Variants in CADPS2 observed in about 807,000 individuals in gnomAD.
CADPS2 encodes calcium dependent secretion activator 2, also known as calcium-dependent secretion activator 2.
CADPS2 carries 93 observed loss-of-function variants against 172.5 expected under a neutral mutation model. That is an observed-to-expected ratio of 0.54 (90% CI 0.46 to 0.64). The LOEUF (loss-of-function observed/expected upper bound fraction) is 0.64, where lower values mean the gene tolerates loss of function less well. Among genes scored for constraint, CADPS2 ranks in the 30% least tolerant of loss-of-function variants. CADPS2 has a pLI of 0.00. For missense variants in CADPS2, 1,420 were observed against 1,565.9 expected (o/e 0.91, Z 1.57); for synonymous variants, 546 against 555.2 (o/e 0.98, Z 0.23).
intron 9 of CADPS2, among the ~76,000 whole-genome samples, chr7:122,510,757 T>C (rs1357404688): frequency 6.6e-6 from 1 of 152,150 alleles, no homozygotes; most frequent in African/African-American, 2.4e-5. Flanking sequence ...GTGGATAGAA[T>C]CAGAGCTGCC....
At chr7:122,380,057 C>T (rs567575748) in intron 24 of CADPS2, among the ~76,000 whole-genome samples, 2 of 152,160 alleles carry the variant, frequency 1.3e-5, no homozygotes, top group Non-Finnish European at 2.9e-5. Context: ...AAACATCACT[C>T]ACTCCCCATA....
At chr7:122,679,265 TG>T (rs59410664) in intron 2 of CADPS2, among the ~76,000 whole-genome samples, 3,652 of 39,204 alleles carry the variant, frequency 0.093, 1,089 homozygotes, top group African/African-American at 0.24. Context: ...AATGCATTCC[TG>T]GGGGGGGGGG....
intron 2 of CADPS2, among the ~76,000 whole-genome samples, chr7:122,695,302 G>T (rs550955620): frequency 6.6e-6 from 1 of 152,190 alleles, no homozygotes; most frequent in East Asian, 1.9e-4. Flanking sequence ...TTCTTACAAG[G>T]AACATAAACT....
chr7:122,581,930 C>CTT (rs2068883411), intron 6 of CADPS2, among the ~76,000 whole-genome samples: 2 of 152,076 alleles, frequency 1.3e-5, no homozygotes, highest in African/African-American at 4.8e-5. Flanking sequence ...AAATAACATG[C>CTT]TTTCTTGGCT....
At chr7:122,637,032 TA>T (rs1300243236) in intron 3 of CADPS2, among the ~76,000 whole-genome samples, 7 of 148,900 alleles carry the variant, frequency 4.7e-5, no homozygotes, top group Admixed American at 4.0e-4. Context: ...TCAAGGGTTT[TA>T]TTTTTTTAAA....
chr7:122,480,766 G>C (rs1263167995), intron 12 of CADPS2, 86 bp downstream of exon 12: 13 of 929,688 alleles, frequency 1.4e-5, no homozygotes, highest in Non-Finnish European at 1.9e-5. Flanking sequence ...GATTGATCCT[G>C]TAAACAAGAT....
chr7:122,563,729 G>A (rs541776014), intron 7 of CADPS2, among the ~76,000 whole-genome samples: 1 of 152,136 alleles, frequency 6.6e-6, no homozygotes, highest in Non-Finnish European at 1.5e-5. Flanking sequence ...ACAATATCTA[G>A]ACTTGGACAA....
chr7:122,465,443 T>C (rs1335314608), intron 14 of CADPS2, among the ~76,000 whole-genome samples: 1 of 152,172 alleles, frequency 6.6e-6, no homozygotes, highest in African/African-American at 2.4e-5. Context: ...TGTTTGGAAC[T>C]GGGCCATACA....
intron 24 of CADPS2, among the ~76,000 whole-genome samples, chr7:122,383,083 G>A (rs1290362428): frequency 1.3e-5 from 2 of 151,966 alleles, no homozygotes; most frequent in Non-Finnish European, 2.9e-5. Flanking sequence ...AATCAACCTA[G>A]GTGTCCATCA....
chr7:122,536,058 T>G (rs2062235158), intron 8 of CADPS2, among the ~76,000 whole-genome samples: 1 of 152,076 alleles, frequency 6.6e-6, no homozygotes, highest in African/African-American at 2.4e-5. Flanking sequence ...CAAATTGCCT[T>G]TTGTAATTGG....
At chr7:122,591,342 C>T (rs1211924562) in intron 6 of CADPS2, among the ~76,000 whole-genome samples, 2 of 152,034 alleles carry the variant, frequency 1.3e-5, no homozygotes, top group African/African-American at 4.8e-5. Flanking sequence ...AAAGAGGACA[C>T]AAACAAATGG....
At chr7:122,563,906 C>T (rs1280371574) in intron 7 of CADPS2, among the ~76,000 whole-genome samples, 1 of 152,096 alleles carries the variant, frequency 6.6e-6, no homozygotes, top group Non-Finnish European at 1.5e-5. Flanking sequence ...ATCAGAAATG[C>T]TCCAAAACCC....
At chr7:122,810,898 A>C (rs1799881861) in intron 1 of CADPS2, among the ~76,000 whole-genome samples, 1 of 152,114 alleles carries the variant, frequency 6.6e-6, no homozygotes, top group Non-Finnish European at 1.5e-5. Flanking sequence ...CCAGCCTAAA[A>C]AAATATTGCT....
intron 1 of CADPS2, among the ~76,000 whole-genome samples, chr7:122,764,303 T>C (rs1191862085): frequency 2.0e-5 from 3 of 152,278 alleles, no homozygotes; most frequent in South Asian, 4.1e-4. Context: ...ATTTCCTCTC[T>C]ACTTGAAAAT....
intron 3 of CADPS2, among the ~76,000 whole-genome samples, chr7:122,645,502 G>GTATATATATATATATATATAAGTA (rs1227617647): frequency 9.8e-6 from 1 of 101,770 alleles, no homozygotes; most frequent in South Asian, 2.9e-4. Flanking sequence ...ATATATATAA[G>GTATATATATATATATATATAAGTA]TATATATATA....
At position 122,692,776 on chromosome 7, in the gene CADPS2, C is replaced by T. The variant is rs1275803664; in HGVS notation, c.454-29207G>A. Among the ~76,000 whole-genome samples, 3 of 152,350 alleles carry T rather than the reference C, an allele frequency of 2.0e-5. No homozygotes were observed. The East Asian group carries it at 5.8e-4, about 29-fold the overall frequency. ...CTGAAAGAACACTCGGGGCCGTAAG[C>T]AGGTGAAATGTAGTTTTATTCAGCA... On this transcript the variant is annotated intron_variant, in intron 2 of 29. Coordinates refer to ENST00000449022, the MANE Select transcript of CADPS2 (RefSeq NM_017954.11).
intron 8 of CADPS2, among the ~76,000 whole-genome samples, chr7:122,545,431 CAA>C (rs2063524281): frequency 6.6e-6 from 1 of 152,058 alleles, no homozygotes; most frequent in Non-Finnish European, 1.5e-5. Context: ...ATCCACTTGG[CAA>C]AGTTAGGAGT....
chr7:122,460,344 A>G (rs886244888), intron 14 of CADPS2, among the ~76,000 whole-genome samples: 8 of 151,998 alleles, frequency 5.3e-5, no homozygotes, highest in Admixed American at 1.3e-4. Flanking sequence ...GGTGGTAAAT[A>G]TCAATACTGA....
At chr7:122,816,380 T>C (rs1263311083) in intron 1 of CADPS2, among the ~76,000 whole-genome samples, 1 of 152,236 alleles carries the variant, frequency 6.6e-6, no homozygotes, top group Non-Finnish European at 1.5e-5. Context: ...TTTCATTCTT[T>C]TTTATGGCTG....
Sources: allele counts gnomAD v4.1 joint callset (sites outside exome capture counted in the v4.1 genomes callset), GRCh38; gene constraint gnomAD v4.1.1; transcripts MANE v1.5; gene names NCBI Gene and HGNC (gene_info 2026-07-23, HGNC 2026-07-21).